The following FSCN2 variants were observed in gnomAD, a reference collection of about 807,000 sequenced individuals.
FSCN2 encodes the protein fascin-2.
A neutral mutation model predicts 37.8 loss-of-function variants in FSCN2; 46 were observed. The ratio of observed to expected loss-of-function variants is 1.22; its 90% CI spans 0.96 to 1.56. The LOEUF is 1.56. Ranked by LOEUF, FSCN2 falls within the 40% of genes most tolerant of loss-of-function variation. The pLI is 0.00. For synonymous variants in FSCN2, 351 were observed against 309.4 expected (o/e 1.13, Z -1.41); for missense variants, 844 against 730.4 (o/e 1.16, Z -1.79).
upstream of FSCN2, among the ~76,000 whole-genome samples, chr17:81,524,005 TG>T (rs532272436): frequency 2.0e-5 from 3 of 152,050 alleles, no homozygotes; most frequent in Non-Finnish European, 4.4e-5. Context: ...GGTCTAGGCA[TG>T]GGGGGCTTGG....
In FSCN2 at chr17:81,536,984, C is replaced by A; in HGVS notation, c.1383C>A (p.Ile461=). The A allele has an allele frequency of 6.5e-7, 1 of 1,533,630 alleles. No homozygotes were observed. Residue 461 remains isoleucine (I), a synonymous_variant, in exon 5 of 5, where the codon ATC becomes ATA. Transcript: ENST00000417245. ...TCCGTGAGCGCGGCCGCCTGGCCAT[C>A]CGCGCCCGGAGCGGCAAGTACCTGC... is the stretch of plus-strand genomic sequence containing the variant. ...FEFRERGRLA[I]RARSGKYLRG...
rs2032868764 is a variant in FSCN2, at chr17:81,536,134, TG to T, written c.984-11del. The T allele has an allele frequency of 6.2e-7, 1 of 1,606,000 alleles. No individual in the cohort carries two copies. Among genetic ancestry groups the T allele is most frequent in the African/African-American group, 1.3e-5 (1 of 74,784 alleles). On this transcript the variant is annotated splice_polypyrimidine_tract_variant and intron_variant, in intron 2 of 4. Transcript: ENST00000417245. ...CTGCTGTCCTGAGGAGACCTTTTGC[TG>T]CTCCCTCCAGTTCTGCCAACACCAT...
the FSCN2 span, among the ~76,000 whole-genome samples, chr17:81,518,018 G>A: frequency 2.6e-5 from 4 of 152,108 alleles, no homozygotes; most frequent in African/African-American, 7.2e-5. Flanking sequence ...CCAGGGCCTC[G>A]GCTTCCGCAA....
chr17:81,518,785 C>T, the FSCN2 span, among the ~76,000 whole-genome samples: 2 of 152,336 alleles, frequency 1.3e-5, no homozygotes, highest in South Asian at 4.1e-4. Context: ...GTCAGGGCCT[C>T]TCCAGGTGTC....
At chr17:81,534,414 G>T (rs942063391) in intron 1 of FSCN2, among the ~76,000 whole-genome samples, 1 of 152,170 alleles carries the variant, frequency 6.6e-6, no homozygotes, top group Non-Finnish European at 1.5e-5. Flanking sequence ...GTTTGTGGGA[G>T]GAGCCAGGGA....
intron 1 of FSCN2, among the ~76,000 whole-genome samples, chr17:81,531,633 ATGGTGGTGGTGG>A (rs747102548): frequency 2.1e-5 from 2 of 94,326 alleles, no homozygotes; most frequent in African/African-American, 4.2e-5. Context: ...GGTGGTGGTG[ATGGTGGTGGTGG>A]TGATGATAGT....
At position 81,533,694 on chromosome 17, in the gene FSCN2, G is replaced by T. The variant is rs140342927; in HGVS notation, c.827-1358G>T. Among the ~76,000 whole-genome samples, 8 of 152,340 alleles carry T rather than the reference G, an allele frequency of 5.3e-5. No homozygotes were observed. The East Asian group carries it at 1.3e-3, about 26-fold the overall frequency. On this transcript the variant is annotated intron_variant, in intron 1 of 4. Coordinates refer to ENST00000417245, the MANE Select transcript of FSCN2 (RefSeq NM_012418.4). Reference sequence around the variant, plus strand: ...CAACTGCTCAGCTAGCCCCTCTGGAGGGGGGTAAAACCAGTGTTGCCCAGA... The same window carrying T: ...CAACTGCTCAGCTAGCCCCTCTGGATGGGGGTAAAACCAGTGTTGCCCAGA...
At chr17:81,522,111 A>G in the FSCN2 span, among the ~76,000 whole-genome samples, 1 of 151,858 alleles carries the variant, frequency 6.6e-6, no homozygotes, top group Non-Finnish European at 1.5e-5. Context: ...GGTTCAAGCA[A>G]TTCTCCTGCC....
chr17:81,522,740 T>A, the FSCN2 span, among the ~76,000 whole-genome samples: 1 of 152,320 alleles, frequency 6.6e-6, no homozygotes, highest in Admixed American at 6.5e-5. Flanking sequence ...ACGCCAGGTG[T>A]CCATGTCTGT....
the FSCN2 span, among the ~76,000 whole-genome samples, chr17:81,515,820 G>T: frequency 2.6e-5 from 4 of 152,264 alleles, no homozygotes; most frequent in Non-Finnish European, 5.9e-5. Flanking sequence ...CACTCTACCT[G>T]CCTGGAATGT....
Position 81,536,925 on chromosome 17 carries a change from G to A in FSCN2, c.1324G>A (p.Asp442Asn), listed in dbSNP as rs779493223. ...GGGCAGCCACGGCAGCGTGTGCAGC[G>A]ACGGCGAACGCGCCGAGGACTTCGT... Reference protein sequence around the residue: ...YTGSHGSVCSDGERAEDFVFE... With the variant: ...YTGSHGSVCSNGERAEDFVFE... Residue 442 changes from aspartate (D) to asparagine (N), a missense_variant, in exon 5 of 5, where the codon GAC (aspartate) becomes AAC (asparagine). Physicochemically the swap from Asp to Asn is conservative, Grantham distance 23 (BLOSUM62 1). Coordinates refer to ENST00000417245, the MANE Select transcript of FSCN2 (RefSeq NM_012418.4). 1.9e-6 allele frequency: 3 copies of A among 1,573,538 alleles called. No individual in the cohort carries two copies. The highest frequency in any genetic ancestry group is 2.4e-5 in the East Asian group (1 of 41,470).
At chr17:81,515,299 G>A in the FSCN2 span, among the ~76,000 whole-genome samples, 2 of 152,170 alleles carry the variant, frequency 1.3e-5, no homozygotes, top group Non-Finnish European at 2.9e-5. Context: ...AACCAGTGCC[G>A]GAGAGGGCCG....
intron 1 of FSCN2, among the ~76,000 whole-genome samples, chr17:81,531,771 A>G (rs1372281918): frequency 3.7e-5 from 4 of 107,384 alleles, no homozygotes; most frequent in Non-Finnish European, 5.6e-5. Context: ...GATGGTGATG[A>G]TAGTGATGGT....
chr17:81,532,584 GTGATGGTGATGGTGA>G (rs1158449144), intron 1 of FSCN2, among the ~76,000 whole-genome samples: 15 of 136,944 alleles, frequency 1.1e-4, no homozygotes, highest in South Asian at 4.8e-4. Context: ...GGTGATGATA[GTGATGGTGATGGTGA>G]TGATGGTGAT....
chr17:81,517,899 C>T, the FSCN2 span, among the ~76,000 whole-genome samples: 2 of 152,072 alleles, frequency 1.3e-5, no homozygotes, highest in African/African-American at 2.4e-5. Flanking sequence ...CCGAGGAGCC[C>T]CCACCCTCTT....
At chr17:81,534,124 G>C (rs931549444) in intron 1 of FSCN2, among the ~76,000 whole-genome samples, 1 of 152,244 alleles carries the variant, frequency 6.6e-6, no homozygotes, top group Non-Finnish European at 1.5e-5. Flanking sequence ...TCAGTGATGA[G>C]TGTGAGGGAG....
intron 1 of FSCN2, among the ~76,000 whole-genome samples, chr17:81,531,234 A>ATGG (rs782602326): frequency 9.1e-6 from 1 of 109,716 alleles, no homozygotes; most frequent in African/African-American, 3.7e-5. Flanking sequence ...GATAATGGTG[A>ATGG]TGGTGGTGAT....
chr17:81,532,297 TGATGATAGTGATGGC>T (rs1204761879), intron 1 of FSCN2, among the ~76,000 whole-genome samples: 123 of 124,672 alleles, frequency 9.9e-4, no homozygotes, highest in African/African-American at 4.8e-3. Flanking sequence ...GTGGTGATGA[TGATGATAGTGATGGC>T]GATGATGGTG....
At chr17:81,531,042 CAA>C (rs1555671172) in intron 1 of FSCN2, among the ~76,000 whole-genome samples, 1 of 152,216 alleles carries the variant, frequency 6.6e-6, no homozygotes, top group African/African-American at 2.4e-5. Context: ...AAAGCAGACT[CAA>C]AGTGGCAGTC....
Sources: allele counts gnomAD v4.1 joint callset (sites outside exome capture counted in the v4.1 genomes callset), GRCh38; gene constraint gnomAD v4.1.1; transcripts MANE v1.5; gene names NCBI Gene and HGNC (gene_info 2026-07-23, HGNC 2026-07-21).